Variants in TNNI3K observed in about 807,000 individuals in gnomAD.
TNNI3K encodes the protein serine/threonine-protein kinase TNNI3K.
In TNNI3K, 140 loss-of-function variants were observed where a neutral mutation model predicts 114.5. The observed-to-expected ratio is 1.22, with a 90% CI of 1.07 to 1.41. The LOEUF (loss-of-function observed/expected upper bound fraction) is 1.41. Ranked by LOEUF, TNNI3K falls within the 40% of genes most tolerant of loss-of-function variation. The pLI is 0.00. For missense variants in TNNI3K, 1,125 were observed against 1,007.6 expected, an observed-to-expected ratio of 1.12 and a Z score of -1.58; for synonymous variants, 347 against 347.5, an observed-to-expected ratio of 1.00 and a Z score of 0.02.
chr1:74,271,629 A>T lies in TNNI3K; in HGVS notation c.365A>T (p.His122Leu), dbSNP rs766595452. 1 of 1,608,508 alleles carries T rather than the reference A, an allele frequency of 6.2e-7. No homozygotes were observed. Among genetic ancestry groups the T allele is most frequent in the South Asian group, 1.1e-5 (1 of 90,084 alleles). The part of the protein sequence containing the change: ...DNAELITSLL[H>L]SGADIQQVGY... The stretch of plus-strand genomic sequence containing the variant: ...GCAGAATTGATCACTTCTCTGCTTC[A>T]CAGTGGAGCTGATATACAGCAGGTT... Residue 122 changes from histidine (H) to leucine (L), a missense_variant, in exon 5 of 25, where the codon CAC becomes CTC. Physicochemically the swap from His to Leu is moderately conservative, Grantham distance 99 (BLOSUM62 -3). Coordinates refer to ENST00000326637, the MANE Select transcript of TNNI3K (RefSeq NM_015978.3).
chr1:74,523,744 C>T (rs1336113007), intron 23 of TNNI3K, among the ~76,000 whole-genome samples: 1 of 152,088 alleles, frequency 6.6e-6, no homozygotes, highest in Non-Finnish European at 1.5e-5. Context: ...TTTCTTTGGT[C>T]TTGGGGAAAC....
At position 74,416,202 on chromosome 1, in the gene TNNI3K, A is replaced by G. The variant is rs1008115084; in HGVS notation, c.1773-19878A>G. ...CTTGCTTTGGCATGAAGCATAGCAT[A>G]GCACCAAAATTCAAAGACGTGAGGA... On this transcript the variant is annotated intron_variant, in intron 17 of 24. Coordinates refer to ENST00000326637, the MANE Select transcript of TNNI3K (RefSeq NM_015978.3). The G allele has an allele frequency of 5.4e-6, 4 of 737,048 alleles. No individual in the cohort carries two copies. The African/African-American group carries it at 7.7e-5, about 14-fold the overall frequency. The allele number at this position is 737,048 out of a possible 1,614,324, so 45.7% of individuals were successfully genotyped here. A position where few individuals can be genotyped will look rare whatever the true frequency, so the allele number is the denominator to read the frequency against.
intron 20 of TNNI3K, among the ~76,000 whole-genome samples, chr1:74,460,665 G>T (rs1305667847): frequency 6.6e-6 from 1 of 152,168 alleles, no homozygotes; most frequent in Admixed American, 6.5e-5. Context: ...GTGTAGCATG[G>T]CTGCTTAGGC....
intron 23 of TNNI3K, among the ~76,000 whole-genome samples, chr1:74,516,401 A>C (rs1019042626): frequency 6.6e-6 from 1 of 152,232 alleles, no homozygotes; most frequent in Non-Finnish European, 1.5e-5. Context: ...AGAATAGTTG[A>C]GTCAGGAAGG....
chr1:74,443,760 A>G (rs936236874), intron 20 of TNNI3K, among the ~76,000 whole-genome samples: 1 of 152,248 alleles, frequency 6.6e-6, no homozygotes, highest in Admixed American at 6.5e-5. Flanking sequence ...AAAATTCTCA[A>G]TAAAATACTG....
chr1:74,527,647 G>T, intron 23 of TNNI3K, among the ~76,000 whole-genome samples: 1 of 152,192 alleles, frequency 6.6e-6, no homozygotes, highest in Non-Finnish European at 1.5e-5. Context: ...AGCCAGGACA[G>T]GGTGTTAGGG....
intron 21 of TNNI3K, among the ~76,000 whole-genome samples, chr1:74,482,413 A>G (rs1668550152): frequency 6.6e-6 from 1 of 152,234 alleles, no homozygotes; most frequent in Non-Finnish European, 1.5e-5. Flanking sequence ...AATGTAGTGA[A>G]GTCAAGAAAT....
At chr1:74,347,288 A>T (rs1274833182) in intron 9 of TNNI3K, among the ~76,000 whole-genome samples, 1 of 151,488 alleles carries the variant, frequency 6.6e-6, no homozygotes, top group African/African-American at 2.4e-5. Flanking sequence ...GCTGAGAATG[A>T]TGGTTTCCAG....
chr1:74,450,754 C>G (rs1158690347), intron 20 of TNNI3K, among the ~76,000 whole-genome samples: 2 of 152,150 alleles, frequency 1.3e-5, no homozygotes, highest in Admixed American at 1.3e-4. Flanking sequence ...ACAACAGATA[C>G]TGGCAAGGCT....
At chr1:74,273,280 G>T (rs1215768453) in intron 5 of TNNI3K, among the ~76,000 whole-genome samples, 3 of 151,812 alleles carry the variant, frequency 2.0e-5, no homozygotes, top group South Asian at 2.1e-4. Context: ...CTTTTAGTGA[G>T]ATTCATTGTA....
chr1:74,544,076 C>A lies in TNNI3K; in HGVS notation c.*94C>A. On this transcript the variant is annotated 3_prime_UTR_variant, in exon 25 of 25. Coordinates refer to ENST00000326637, the MANE Select transcript of TNNI3K (RefSeq NM_015978.3). Reference sequence around the variant, plus strand: ...GCTGGCTTCCAACTATAACATTTTACTCTCAAAGGTCTCCTTAAATTGGGC... The same window carrying A: ...GCTGGCTTCCAACTATAACATTTTAATCTCAAAGGTCTCCTTAAATTGGGC... The A allele has an allele frequency of 7.4e-7, 1 of 1,354,364 alleles. No individual in the cohort carries two copies. Among genetic ancestry groups the A allele is most frequent in the Non-Finnish European group, 1.0e-6 (1 of 990,258 alleles). The allele number at this position is 1,354,364 out of a possible 1,614,324, so 83.9% of individuals were successfully genotyped here.
intron 5 of TNNI3K, among the ~76,000 whole-genome samples, chr1:74,328,434 C>T (rs947122516): frequency 6.6e-6 from 1 of 152,006 alleles, no homozygotes; most frequent in Non-Finnish European, 1.5e-5. Context: ...ACCATATTCC[C>T]GTTAGAATGC....
At chr1:74,449,038 G>C (rs1425872064) in intron 20 of TNNI3K, among the ~76,000 whole-genome samples, 5 of 120,300 alleles carry the variant, frequency 4.2e-5, no homozygotes, top group African/African-American at 1.6e-4. Context: ...AGAAGGAATG[G>C]TACCAGTTCC....
intron 23 of TNNI3K, among the ~76,000 whole-genome samples, chr1:74,538,967 G>A (rs1046204240): frequency 2.6e-5 from 4 of 152,114 alleles, no homozygotes; most frequent in South Asian, 2.1e-4. Context: ...GAACTGGGAA[G>A]CAATTGAAAA....
chr1:74,274,372 A>G (rs1012746179), intron 5 of TNNI3K, among the ~76,000 whole-genome samples: 4 of 151,980 alleles, frequency 2.6e-5, no homozygotes, highest in South Asian at 2.1e-4. Flanking sequence ...GTGAACTTAC[A>G]TAGTTCAAAC....
intron 23 of TNNI3K, among the ~76,000 whole-genome samples, chr1:74,504,279 T>C (rs1208116460): frequency 6.6e-6 from 1 of 152,202 alleles, no homozygotes; most frequent in Non-Finnish European, 1.5e-5. Flanking sequence ...TGGACTAAAG[T>C]AACCATGTTA....
chr1:74,483,086 C>A (rs1668584444), intron 21 of TNNI3K, among the ~76,000 whole-genome samples: 1 of 152,162 alleles, frequency 6.6e-6, no homozygotes. Flanking sequence ...TTGATTGAGA[C>A]CATCAGGAAC....
chr1:74,452,117 C>T (rs1179532904), intron 20 of TNNI3K, among the ~76,000 whole-genome samples: 1 of 152,062 alleles, frequency 6.6e-6, no homozygotes, highest in African/African-American at 2.4e-5. Context: ...TGATTCTGTA[C>T]CTCTCACATT....
intron 5 of TNNI3K, among the ~76,000 whole-genome samples, chr1:74,329,324 T>A (rs1289240513): frequency 6.6e-6 from 1 of 152,052 alleles, no homozygotes; most frequent in African/African-American, 2.4e-5. Context: ...AGTCCCTCAA[T>A]AAAAGCTCAT....
Sources: allele counts gnomAD v4.1 joint callset (sites outside exome capture counted in the v4.1 genomes callset), GRCh38; gene constraint gnomAD v4.1.1; transcripts MANE v1.5; gene names NCBI Gene and HGNC (gene_info 2026-07-23, HGNC 2026-07-21).